STK38: variants seen among roughly 807,000 people sequenced by gnomAD.
STK38 encodes serine/threonine-protein kinase 38.
Under a neutral mutation model 59.0 loss-of-function variants are expected in STK38, and 26 were observed. The observed-to-expected ratio is 0.44, with a 90% CI of 0.32 to 0.61. The LOEUF is 0.61. Ranked by LOEUF, STK38 falls within the 20% of genes least tolerant of loss-of-function variation. The pLI, the probability that STK38 is intolerant of heterozygous loss-of-function variation, is 0.04. For synonymous variants in STK38, 175 were observed against 176.6 expected, an observed-to-expected ratio of 0.99 and a Z score of 0.07; for missense variants, 433 against 566.0, an observed-to-expected ratio of 0.76 and a Z score of 2.38.
At chr6:36,533,911 T>A (rs1487402303) in intron 2 of STK38, among the ~76,000 whole-genome samples, 1 of 152,178 alleles carries the variant, frequency 6.6e-6, no homozygotes, top group Non-Finnish European at 1.5e-5. Flanking sequence ...CAGACACTTG[T>A]TTACTCCAGT....
chr6:36,545,785 AAAT>A (rs1778041715), intron 1 of STK38, among the ~76,000 whole-genome samples: 1 of 152,178 alleles, frequency 6.6e-6, no homozygotes, highest in Non-Finnish European at 1.5e-5. Flanking sequence ...AAGAATTAGG[AAAT>A]AATAGGTGGC....
chr6:36,542,699 C>T (rs1777967799), intron 1 of STK38, among the ~76,000 whole-genome samples: 1 of 152,040 alleles, frequency 6.6e-6, no homozygotes, highest in Admixed American at 6.6e-5. Context: ...AATCCCAGCA[C>T]TTTGGGAGGC....
chr6:36,500,191 G>A (rs1210421330), intron 9 of STK38, among the ~76,000 whole-genome samples: 1 of 152,108 alleles, frequency 6.6e-6, no homozygotes, highest in Non-Finnish European at 1.5e-5. Context: ...TGAGGCAGGA[G>A]ACCCTTAACT....
At chr6:36,518,339 T>C (rs1448176874) in intron 5 of STK38, among the ~76,000 whole-genome samples, 1 of 152,186 alleles carries the variant, frequency 6.6e-6, no homozygotes, top group Non-Finnish European at 1.5e-5. Flanking sequence ...CCTTACTGAA[T>C]TGAAATACAA....
chr6:36,503,312 G>A (rs1474922372), intron 9 of STK38, among the ~76,000 whole-genome samples: 1 of 151,912 alleles, frequency 6.6e-6, no homozygotes, highest in Non-Finnish European at 1.5e-5. Context: ...TCTTTACTCT[G>A]AGGTCATAAA....
chr6:36,497,560 C>G (rs749463857), intron 12 of STK38, among the ~76,000 whole-genome samples: 8 of 152,216 alleles, frequency 5.3e-5, no homozygotes, highest in Non-Finnish European at 1.0e-4. Flanking sequence ...AAGTTCACTT[C>G]ACTTTGTAAA....
At chr6:36,497,483 A>G (rs562679211) in intron 12 of STK38, among the ~76,000 whole-genome samples, 15 of 152,368 alleles carry the variant, frequency 9.8e-5, no homozygotes, top group African/African-American at 3.6e-4. Context: ...GGCGGGACCT[A>G]AGAGGTTGCT....
At chr6:36,498,307 T>C (rs1776754793) in intron 11 of STK38, 56 bp downstream of exon 11, 1 of 1,570,660 alleles carries the variant, frequency 6.4e-7, no homozygotes, top group South Asian at 1.2e-5. Flanking sequence ...TTTAAAAAAA[T>C]GGAATCATTC....
intron 9 of STK38, among the ~76,000 whole-genome samples, chr6:36,502,185 C>T (rs191047607): frequency 2.0e-5 from 3 of 152,098 alleles, no homozygotes; most frequent in East Asian, 1.9e-4. Flanking sequence ...CTCTGTCACC[C>T]GGGCTGGAGT....
At chr6:36,530,004 G>A (rs1304736015) in intron 2 of STK38, among the ~76,000 whole-genome samples, 1 of 152,186 alleles carries the variant, frequency 6.6e-6, no homozygotes, top group Admixed American at 6.5e-5. Flanking sequence ...ACTTTGGGAG[G>A]CTGAGGCTCG....
chr6:36,517,977 T>G, intron 5 of STK38, 137 bp from the exon 6 acceptor site: 1 of 1,213,044 alleles, frequency 8.2e-7, no homozygotes, highest in Non-Finnish European at 1.1e-6. Flanking sequence ...ATCCAATTTC[T>G]GCTTAGGCAA....
chr6:36,526,749 G>C (rs989135276), intron 2 of STK38, among the ~76,000 whole-genome samples: 2 of 151,982 alleles, frequency 1.3e-5, no homozygotes, highest in African/African-American at 4.8e-5. Context: ...GCAAAAATTA[G>C]CCAGGCATGG....
At chr6:36,500,714 C>T (rs185793610) in intron 9 of STK38, among the ~76,000 whole-genome samples, 27 of 138,140 alleles carry the variant, frequency 2.0e-4, no homozygotes, top group Middle Eastern at 4.1e-3. Context: ...GAGCCGAGAT[C>T]GTGCCACTGC....
At chr6:36,531,928 T>C (rs1054084585) in intron 2 of STK38, among the ~76,000 whole-genome samples, 1 of 152,048 alleles carries the variant, frequency 6.6e-6, no homozygotes, top group Non-Finnish European at 1.5e-5. Context: ...AAGAGTTGCA[T>C]AGCAATGCTA....
chr6:36,509,492 A>G (rs1777052112), intron 7 of STK38, among the ~76,000 whole-genome samples: 1 of 152,116 alleles, frequency 6.6e-6, no homozygotes, highest in Non-Finnish European at 1.5e-5. Context: ...CGGTGCCTGA[A>G]AGCTTAGGTT....
intron 9 of STK38, among the ~76,000 whole-genome samples, chr6:36,502,017 G>C (rs1482214394): frequency 1.3e-5 from 2 of 152,180 alleles, no homozygotes; most frequent in Non-Finnish European, 2.9e-5. Flanking sequence ...GTCCTCCAAA[G>C]TAGTTAGTCC....
chr6:36,525,009 C>T lies in STK38; in HGVS notation c.184-546G>A, dbSNP rs140261124. 1.7e-3 allele frequency among the ~76,000 whole-genome samples: 257 copies of T among 152,084 alleles called. 2 individuals are homozygous for T. Among genetic ancestry groups the T allele is most frequent in the Non-Finnish European group, 2.1e-3 (144 of 68,000 alleles). ...TATCTGTGGGCACTGGGTGGAAGGG[C>T]TGATTTGAGATGGATATTTTGCCTT... On this transcript the variant is annotated intron_variant, in intron 3 of 13. Transcript: ENST00000229812.
intron 2 of STK38, among the ~76,000 whole-genome samples, chr6:36,535,618 C>T (rs1352168372): frequency 6.6e-6 from 1 of 151,874 alleles, no homozygotes; most frequent in Non-Finnish European, 1.5e-5. Context: ...TGGCTCATAC[C>T]TATAATCCCA....
At chr6:36,502,752 C>T (rs1195741138) in intron 9 of STK38, among the ~76,000 whole-genome samples, 1 of 152,192 alleles carries the variant, frequency 6.6e-6, no homozygotes, top group African/African-American at 2.4e-5. Flanking sequence ...TTCTCTTAAC[C>T]ACTATGCTGA....
Sources: gnomAD v4.1 joint callset for allele counts (sites outside exome capture counted in the v4.1 genomes callset) on GRCh38, gnomAD v4.1.1 for gene constraint, MANE v1.5 for transcripts, NCBI Gene and HGNC (gene_info 2026-07-23, HGNC 2026-07-21) for gene names.